Variants in HGSNAT observed in about 807,000 individuals in gnomAD.
HGSNAT encodes heparan-alpha-glucosaminide N-acetyltransferase.
HGSNAT carries 59 observed loss-of-function variants against 85.2 expected under a neutral mutation model. The ratio of observed to expected loss-of-function variants is 0.69; its 90% CI spans 0.56 to 0.86. The LOEUF (loss-of-function observed/expected upper bound fraction) is 0.86. Among genes scored for constraint, HGSNAT ranks in the 40% least tolerant of loss-of-function variants. The pLI is 0.00. For missense variants in HGSNAT, 756 were observed against 777.1 expected (o/e 0.97, Z 0.32); for synonymous variants, 321 against 304.5 (o/e 1.05, Z -0.56).
At chr8:43,183,168 G>C (rs1231859970) in intron 11 of HGSNAT, among the ~76,000 whole-genome samples, 1 of 152,128 alleles carries the variant, frequency 6.6e-6, no homozygotes, top group Non-Finnish European at 1.5e-5. Context: ...AATGCATTCT[G>C]TTTTATTTAC....
intron 11 of HGSNAT, among the ~76,000 whole-genome samples, chr8:43,185,422 G>C (rs1804273954): frequency 1.3e-5 from 2 of 152,182 alleles, no homozygotes; most frequent in Admixed American, 6.5e-5. Flanking sequence ...CTTCACTCAT[G>C]ATTTGGCTCT....
chr8:43,195,534 G>C (rs1321265628), intron 14 of HGSNAT, among the ~76,000 whole-genome samples: 1 of 150,344 alleles, frequency 6.7e-6, no homozygotes, highest in African/African-American at 2.4e-5. Flanking sequence ...GGAGGAAGAG[G>C]AGGAGGGAGT....
In HGSNAT at chr8:43,159,026, C is replaced by A. The variant is rs573840743; in HGVS notation, c.475C>A (p.Pro159Thr). Reference sequence around the variant, plus strand: ...CTGTGACCTGGCTGTGAACGAGGATCCAGTTGATAGTAACCTTCGTACGTA... The same window carrying A: ...CTGTGACCTGGCTGTGAACGAGGATACAGTTGATAGTAACCTTCGTACGTA... ...IACDLAVNED[P>T]VDSNLPVSIA... The change falls in exon 4 of 18, where the codon CCA becomes ACA. Residue 159 changes from proline to threonine, a missense_variant. Coordinates refer to ENST00000379644, the MANE Select transcript of HGSNAT (RefSeq NM_152419.3). 6.2e-7 allele frequency: 1 copy of A among 1,613,702 alleles called. No individual in the cohort carries two copies. Among genetic ancestry groups the A allele is most frequent in the South Asian group, 1.1e-5 (1 of 91,038 alleles).
At position 43,197,665 on chromosome 8, in the gene HGSNAT, A is replaced by G. The variant is rs781471935; in HGVS notation, c.1543-7A>G. 12 of 1,606,078 alleles carry G rather than the reference A, an allele frequency of 7.5e-6. No homozygotes were observed. Among genetic ancestry groups the G allele is most frequent in the African/African-American group, 1.3e-5 (1 of 74,686 alleles). On this transcript the variant is annotated splice_region_variant and splice_polypyrimidine_tract_variant and intron_variant, in intron 15 of 17. Transcript: ENST00000379644. ...AAATGTTAACATCCTTCTCTTCCCC[A>G]TTACAGGGGCTCATTTCTGTTGCTC...
intron 2 of HGSNAT, among the ~76,000 whole-genome samples, chr8:43,156,050 G>T (rs949501509): frequency 2.0e-5 from 3 of 152,034 alleles, no homozygotes; most frequent in Non-Finnish European, 4.4e-5. Flanking sequence ...ATGTTGGCCA[G>T]GCTGGTCTCG....
intron 5 of HGSNAT, among the ~76,000 whole-genome samples, chr8:43,164,928 A>G (rs892547096): frequency 1.3e-5 from 2 of 152,050 alleles, no homozygotes; most frequent in East Asian, 3.9e-4. Flanking sequence ...AGGGAGATGG[A>G]GGAACAGTCA....
At chr8:43,190,455 C>T (rs1438100092) in intron 11 of HGSNAT, among the ~76,000 whole-genome samples, 1 of 152,130 alleles carries the variant, frequency 6.6e-6, no homozygotes, top group Non-Finnish European at 1.5e-5. Flanking sequence ...CCCCTCTGCC[C>T]TTGTCATTAA....
intron 2 of HGSNAT, among the ~76,000 whole-genome samples, chr8:43,158,125 A>C (rs1803150507): frequency 1.3e-5 from 2 of 152,012 alleles, no homozygotes; most frequent in Admixed American, 1.3e-4. Flanking sequence ...TTTGAGACAG[A>C]GTCTTGCTCT....
At chr8:43,194,734 C>G (rs902606143) in intron 14 of HGSNAT, among the ~76,000 whole-genome samples, 1 of 152,172 alleles carries the variant, frequency 6.6e-6, no homozygotes, top group African/African-American at 2.4e-5. Context: ...TTTTCTAAGG[C>G]CATTCATGAG....
intron 17 of HGSNAT, among the ~76,000 whole-genome samples, 189 bp downstream of exon 17, chr8:43,198,141 C>T (rs1470922814): frequency 6.6e-6 from 1 of 152,066 alleles, no homozygotes; most frequent in East Asian, 1.9e-4. Context: ...CTGGCCTGCT[C>T]CAGAGCAGTC....
rs372471081 is a variant in HGSNAT at position 43,159,048 on chromosome 8, C to T, written c.493+4C>T. ...GATCCAGTTGATAGTAACCTTCGTA[C>T]GTATATGTTCTCTGCTGATTTTCAC... On this transcript the variant is annotated splice_donor_region_variant and intron_variant, in intron 4 of 17. Coordinates refer to ENST00000379644, the MANE Select transcript of HGSNAT (RefSeq NM_152419.3). 6.2e-6 allele frequency: 10 copies of T among 1,607,512 alleles called. No individual in the cohort carries two copies. In the East Asian group the frequency reaches 8.9e-5, roughly 14 times the overall value.
At chr8:43,165,025 G>A (rs1586719148) in intron 5 of HGSNAT, among the ~76,000 whole-genome samples, 1 of 149,348 alleles carries the variant, frequency 6.7e-6, no homozygotes, top group East Asian at 2.0e-4. Context: ...TGGGACTAGA[G>A]GCATGTGCCA....
chr8:43,182,284 G>GAAA (rs757308574), intron 11 of HGSNAT, 24 bp downstream of exon 11: 4 of 1,563,890 alleles, frequency 2.6e-6, no homozygotes, highest in Non-Finnish European at 3.5e-6. Flanking sequence ...TTTTAATTAA[G>GAAA]AAAAACTTTT....
intron 2 of HGSNAT, among the ~76,000 whole-genome samples, chr8:43,150,695 A>T (rs775491606): frequency 6.6e-6 from 1 of 151,926 alleles, no homozygotes; most frequent in African/African-American, 2.4e-5. Context: ...TTAGCCAGGC[A>T]TGGTGGTGGG....
At chr8:43,164,633 T>C (rs1563364467) in intron 5 of HGSNAT, among the ~76,000 whole-genome samples, 1 of 151,920 alleles carries the variant, frequency 6.6e-6, no homozygotes, top group East Asian at 1.9e-4. Context: ...ATAGAAAAAT[T>C]AGCTGGGCGT....
At chr8:43,150,678 C>CA (rs1802882816) in intron 2 of HGSNAT, among the ~76,000 whole-genome samples, 1 of 151,754 alleles carries the variant, frequency 6.6e-6, no homozygotes, top group African/African-American at 2.4e-5. Flanking sequence ...CTAAAAAATA[C>CA]AAAAAATTAG....
At chr8:43,167,698 G>A (rs10435641) in intron 5 of HGSNAT, among the ~76,000 whole-genome samples, 114,980 of 151,908 alleles carry the variant, frequency 0.76, 46,145 homozygotes, top group Non-Finnish European at 0.9. Flanking sequence ...AGCTATGCCT[G>A]TACTGGTTTC....
chr8:43,179,811 G>A (rs1803982578), intron 10 of HGSNAT, among the ~76,000 whole-genome samples: 5 of 43,734 alleles, frequency 1.1e-4, no homozygotes, highest in South Asian at 1.1e-3. Flanking sequence ...CTCACCTCCC[G>A]GATGGGGCGG....
intron 12 of HGSNAT, among the ~76,000 whole-genome samples, 176 bp from the exon 13 acceptor site, chr8:43,192,120 GTTTCACCA>G (rs992514066): frequency 5.3e-5 from 8 of 152,150 alleles, no homozygotes; most frequent in Non-Finnish European, 7.3e-5. Flanking sequence ...TAGAGACGGG[GTTTCACCA>G]TGTTGGCCAG....
Sources: gnomAD v4.1 joint callset for allele counts (sites outside exome capture counted in the v4.1 genomes callset) on GRCh38, gnomAD v4.1.1 for gene constraint, MANE v1.5 for transcripts, NCBI Gene and HGNC (gene_info 2026-07-23, HGNC 2026-07-21) for gene names.